ULK4: variants seen among roughly 807,000 people sequenced by gnomAD.
The protein encoded by ULK4 is unc-51 like kinase 4, also known as inactive serine/threonine-protein kinase ULK4.
Under a neutral mutation model 160.6 loss-of-function variants are expected in ULK4, and 133 were observed. That is an observed-to-expected ratio of 0.83 (90% CI 0.72 to 0.96). ULK4 has a LOEUF of 0.96. Among genes scored for constraint, ULK4 ranks in the 40% least tolerant of loss-of-function variants. The probability of loss-of-function intolerance (pLI) is 0.00; values close to 1 mark genes in which losing one functional copy is unlikely to be tolerated. For synonymous variants in ULK4, 534 were observed against 539.8 expected (o/e 0.99, Z 0.15); for missense variants, 1,580 against 1,499.5 (o/e 1.05, Z -0.89).
intron 34 of ULK4, among the ~76,000 whole-genome samples, chr3:41,436,002 A>T (rs1266198318): frequency 6.6e-6 from 1 of 152,148 alleles, no homozygotes; most frequent in Non-Finnish European, 1.5e-5. Flanking sequence ...GACAGTCCCC[A>T]ACTTACGATG....
chr3:41,660,890 T>C (rs2035129027), intron 30 of ULK4, among the ~76,000 whole-genome samples: 1 of 152,190 alleles, frequency 6.6e-6, no homozygotes. Flanking sequence ...GTCAACAAAA[T>C]GATTTAGATA....
At chr3:41,869,553 C>A (rs36055950) in intron 17 of ULK4, among the ~76,000 whole-genome samples, 1 of 152,150 alleles carries the variant, frequency 6.6e-6, no homozygotes, top group East Asian at 1.9e-4. Context: ...GCACTCCAGC[C>A]TGGGTGACCG....
chr3:41,456,231 T>A (rs1393821555), intron 33 of ULK4, among the ~76,000 whole-genome samples: 1 of 152,118 alleles, frequency 6.6e-6, no homozygotes, highest in Non-Finnish European at 1.5e-5. Flanking sequence ...ATCTTAACCA[T>A]CCTGAGACTA....
chr3:41,628,763 T>G (rs1379277714), intron 30 of ULK4, among the ~76,000 whole-genome samples: 3 of 152,236 alleles, frequency 2.0e-5, no homozygotes, highest in African/African-American at 7.2e-5. Flanking sequence ...TGATAACTGA[T>G]AACCGTTCTA....
chr3:41,941,778 A>AAAAAAAAAG (rs534674849), intron 2 of ULK4, among the ~76,000 whole-genome samples: 18 of 148,174 alleles, frequency 1.2e-4, no homozygotes, highest in East Asian at 8.0e-4. Flanking sequence ...AAAAAAAAAA[A>AAAAAAAAAG]AGAGAAAGAA....
chr3:41,375,270 T>C (rs72866623), intron 35 of ULK4, among the ~76,000 whole-genome samples: 4,087 of 152,136 alleles, frequency 0.027, 210 homozygotes, highest in African/African-American at 0.091. Flanking sequence ...CTTCAGAGAA[T>C]AGGAAAAACT....
chr3:41,360,232 G>T (rs2081115010), intron 35 of ULK4, among the ~76,000 whole-genome samples: 1 of 152,186 alleles, frequency 6.6e-6, no homozygotes, highest in African/African-American at 2.4e-5. Flanking sequence ...TCTCATGCCA[G>T]TCAGAATGGC....
At chr3:41,464,152 G>C (rs1335837807) in intron 32 of ULK4, among the ~76,000 whole-genome samples, 1 of 152,084 alleles carries the variant, frequency 6.6e-6, no homozygotes, top group African/African-American at 2.4e-5. Context: ...ATCATCAATT[G>C]AATGGAAACT....
chr3:41,322,395 CT>C (rs1476599544), intron 35 of ULK4, among the ~76,000 whole-genome samples: 9 of 152,164 alleles, frequency 5.9e-5, no homozygotes. Flanking sequence ...CTCCCTCTGC[CT>C]TATGCCCCTC....
chr3:41,836,946 G>GA (rs2041776933), intron 17 of ULK4, among the ~76,000 whole-genome samples: 1 of 152,128 alleles, frequency 6.6e-6, no homozygotes, highest in Admixed American at 6.5e-5. Flanking sequence ...CTCTGAGAAG[G>GA]AAAAAAATGT....
chr3:41,689,276 A>C (rs981774393), intron 27 of ULK4, among the ~76,000 whole-genome samples: 5 of 152,230 alleles, frequency 3.3e-5, no homozygotes, highest in Non-Finnish European at 7.3e-5. Flanking sequence ...TCTACCCACC[A>C]GTGTAAGTCA....
intron 31 of ULK4, among the ~76,000 whole-genome samples, chr3:41,581,962 A>C (rs186436481): frequency 1.1e-3 from 175 of 152,318 alleles, no homozygotes; most frequent in Admixed American, 3.2e-3. Flanking sequence ...ACTGAGGCTT[A>C]TTACTGTGAG....
chr3:41,690,378 A>G (rs2036255896), intron 27 of ULK4, among the ~76,000 whole-genome samples: 1 of 151,578 alleles, frequency 6.6e-6, no homozygotes, highest in African/African-American at 2.4e-5. Flanking sequence ...CCAGCATGGC[A>G]CATGTATACA....
At chr3:41,475,778 C>A (rs1172610374) in intron 32 of ULK4, among the ~76,000 whole-genome samples, 1 of 152,114 alleles carries the variant, frequency 6.6e-6, no homozygotes, top group Non-Finnish European at 1.5e-5. Context: ...GCTACCAGAT[C>A]TTCCATGTTG....
intron 4 of ULK4, among the ~76,000 whole-genome samples, chr3:41,935,197 A>T (rs375205695): frequency 5.1e-3 from 12 of 2,364 alleles, no homozygotes; most frequent in South Asian, 0.071. Flanking sequence ...TTGTGTTTTT[A>T]TTTATTTATT....
chr3:41,864,028 G>GTC (rs2125686914), intron 17 of ULK4, among the ~76,000 whole-genome samples: 1 of 152,252 alleles, frequency 6.6e-6, no homozygotes, highest in Non-Finnish European at 1.5e-5. Context: ...ACAAGTTGCA[G>GTC]TCCTTATGGC....
intron 32 of ULK4, among the ~76,000 whole-genome samples, chr3:41,475,139 C>T (rs925205469): frequency 2.0e-5 from 3 of 152,096 alleles, no homozygotes; most frequent in Non-Finnish European, 2.9e-5. Flanking sequence ...TACATACACG[C>T]AATGGAATTT....
chr3:41,675,464 C>T (rs554016936), intron 29 of ULK4, among the ~76,000 whole-genome samples: 1 of 151,980 alleles, frequency 6.6e-6, no homozygotes, highest in Non-Finnish European at 1.5e-5. Flanking sequence ...GTGGTACATG[C>T]CTGCAGTCCC....
intron 19 of ULK4, among the ~76,000 whole-genome samples, chr3:41,801,026 A>G (rs2040443333): frequency 6.6e-6 from 1 of 152,218 alleles, no homozygotes; most frequent in Admixed American, 6.6e-5. Flanking sequence ...TATGATTCAT[A>G]ATTCAATCGC....
Sources: gnomAD v4.1 joint callset for allele counts (sites outside exome capture counted in the v4.1 genomes callset) on GRCh38, gnomAD v4.1.1 for gene constraint, MANE v1.5 for transcripts, NCBI Gene and HGNC (gene_info 2026-07-23, HGNC 2026-07-21) for gene names.